The following FHIT variants were observed in gnomAD, a reference collection of about 807,000 sequenced individuals.
The protein encoded by FHIT is fragile histidine triad diadenosine triphosphatase, also known as bis(5'-adenosyl)-triphosphatase.
A neutral mutation model predicts 17.9 loss-of-function variants in FHIT; 19 were observed. The ratio of observed to expected loss-of-function variants is 1.06; its 90% confidence interval spans 0.74 to 1.56. The LOEUF (loss-of-function observed/expected upper bound fraction) is 1.56. Among genes scored for constraint, FHIT ranks in the 40% most tolerant of loss-of-function variants. The pLI is 0.00. For missense variants in FHIT, 248 were observed against 189.2 expected (o/e 1.31, Z -1.82); for synonymous variants, 81 against 69.7 (o/e 1.16, Z -0.81).
At chr3:60,210,442 A>T (rs1191157539) in intron 5 of FHIT, among the ~76,000 whole-genome samples, 1 of 152,230 alleles carries the variant, frequency 6.6e-6, no homozygotes, top group African/African-American at 2.4e-5. Context: ...AAGGAAAAAC[A>T]TGGATACCAG....
chr3:60,153,489 T>C (rs1470898214), intron 5 of FHIT, among the ~76,000 whole-genome samples: 1 of 152,154 alleles, frequency 6.6e-6, no homozygotes, highest in African/African-American at 2.4e-5. Flanking sequence ...AATTCTATTT[T>C]GAGGTTTATC....
intron 5 of FHIT, among the ~76,000 whole-genome samples, chr3:60,228,626 C>A (rs749549568): frequency 1.1e-4 from 16 of 152,144 alleles, no homozygotes; most frequent in Non-Finnish European, 1.9e-4. Context: ...GGAGAAATGA[C>A]AAATACCTCA....
At chr3:60,744,278 A>AAAAAAAAAAAAAAAAAAAAAAAAAAAC (rs2042310911) in intron 4 of FHIT, among the ~76,000 whole-genome samples, 1 of 148,742 alleles carries the variant, frequency 6.7e-6, no homozygotes, top group African/African-American at 2.5e-5. Flanking sequence ...CAAAAAAAAA[A>AAAAAAAAAAAAAAAAAAAAAAAAAAAC]AAAAACAGAA....
intron 5 of FHIT, among the ~76,000 whole-genome samples, chr3:60,085,919 A>T (rs542127215): frequency 6.6e-6 from 1 of 152,166 alleles, no homozygotes; most frequent in Non-Finnish European, 1.5e-5. Flanking sequence ...GCAATTAGGG[A>T]TATGATCAGT....
intron 8 of FHIT, among the ~76,000 whole-genome samples, chr3:59,867,071 C>T (rs1651256428): frequency 6.7e-6 from 1 of 150,074 alleles, no homozygotes; most frequent in Non-Finnish European, 1.5e-5. Flanking sequence ...TTTACAACCA[C>T]ACCATAAAAG....
At chr3:60,780,014 C>T (rs576432381) in intron 4 of FHIT, among the ~76,000 whole-genome samples, 17 of 152,288 alleles carry the variant, frequency 1.1e-4, no homozygotes, top group African/African-American at 3.4e-4. Context: ...CATGGTGGCA[C>T]CTACCAAGGT....
intron 6 of FHIT, among the ~76,000 whole-genome samples, chr3:60,012,263 G>GTTTT (rs1416490274): frequency 1.7e-5 from 2 of 118,962 alleles, no homozygotes; most frequent in African/African-American, 3.7e-5. Flanking sequence ...TGTTTTTTTT[G>GTTTT]TTGTTTTTTT....
chr3:60,473,754 A>T (rs1047612298), intron 5 of FHIT, among the ~76,000 whole-genome samples: 4 of 152,040 alleles, frequency 2.6e-5, no homozygotes, highest in Non-Finnish European at 5.9e-5. Context: ...CCCCGTCTCT[A>T]CTAAAATACA....
At chr3:59,810,954 G>T (rs1700387445) in intron 8 of FHIT, among the ~76,000 whole-genome samples, 1 of 152,208 alleles carries the variant, frequency 6.6e-6, no homozygotes, top group African/African-American at 2.4e-5. Flanking sequence ...GTTGAAAGTG[G>T]AATACTAGAA....
intron 3 of FHIT, among the ~76,000 whole-genome samples, chr3:60,981,295 C>CTTTTTTTTTTTTTTTTTTT (rs71100934): frequency 3.2e-5 from 4 of 124,500 alleles, no homozygotes; most frequent in Non-Finnish European, 3.3e-5. Flanking sequence ...TTCTTCCTTC[C>CTTTTTTTTTTTTTTTTTTT]TTTTTTTTTT....
intron 8 of FHIT, among the ~76,000 whole-genome samples, chr3:59,886,619 A>G (rs961791633): frequency 2.6e-5 from 4 of 152,074 alleles, no homozygotes; most frequent in Non-Finnish European, 5.9e-5. Flanking sequence ...CTTTTTAACA[A>G]CCAGCTTTCA....
chr3:60,053,282 C>T (rs897536329), intron 5 of FHIT, among the ~76,000 whole-genome samples: 5 of 150,970 alleles, frequency 3.3e-5, no homozygotes, highest in Non-Finnish European at 5.9e-5. Context: ...ATATATATGT[C>T]AGTCCATAAA....
chr3:61,233,514 T>C (rs2040156868), intron 1 of FHIT, among the ~76,000 whole-genome samples: 1 of 152,216 alleles, frequency 6.6e-6, no homozygotes. Flanking sequence ...GGCACTGAGC[T>C]AAATGCTGAT....
chr3:60,014,007 C>T lies in FHIT; in HGVS notation c.249G>A (p.Gln83=). The T allele has an allele frequency of 2.5e-6, 4 of 1,613,878 alleles. No individual in the cohort carries two copies. The highest frequency in any genetic ancestry group is 1.1e-5 in the South Asian group (1 of 91,070). ...ATTTCTGAGAAATCTGTACACTCAC[C>T]TGCATGGAAAAGGTGAGAGAGGTCC... ...FHGTSLTFSM[Q]DGPEAGQTVK... The change falls in exon 6 of 10, where the codon CAG becomes CAA. Residue 83 remains glutamine (Q), a splice_region_variant and synonymous_variant. Transcript: ENST00000492590.
At chr3:60,863,623 T>C (rs1704023104) in intron 3 of FHIT, among the ~76,000 whole-genome samples, 1 of 152,218 alleles carries the variant, frequency 6.6e-6, no homozygotes. Context: ...TTTTCATTCA[T>C]TTGTTAAAAA....
intron 5 of FHIT, among the ~76,000 whole-genome samples, chr3:60,293,905 A>G (rs1288779796): frequency 6.6e-6 from 1 of 152,172 alleles, no homozygotes; most frequent in Non-Finnish European, 1.5e-5. Context: ...CTTAAAAAAT[A>G]TATTAGTTTA....
At chr3:60,332,127 ATTAAT>A (rs1372093230) in intron 5 of FHIT, among the ~76,000 whole-genome samples, 1 of 152,156 alleles carries the variant, frequency 6.6e-6, no homozygotes, top group Admixed American at 6.5e-5. Flanking sequence ...CTTTACATAT[ATTAAT>A]TTATTTGGTA....
intron 5 of FHIT, among the ~76,000 whole-genome samples, chr3:60,182,384 T>A (rs1701975813): frequency 6.6e-6 from 1 of 152,200 alleles, no homozygotes; most frequent in Non-Finnish European, 1.5e-5. Flanking sequence ...ATTAGCATCT[T>A]TAAGTAGCAC....
At chr3:60,155,196 C>T (rs935198189) in intron 5 of FHIT, among the ~76,000 whole-genome samples, 1 of 148,480 alleles carries the variant, frequency 6.7e-6, no homozygotes, top group African/African-American at 2.5e-5. Context: ...AAAAAAGTCA[C>T]AGAGCTGGTG....
Sources: allele counts gnomAD v4.1 joint callset (sites outside exome capture counted in the v4.1 genomes callset), GRCh38; gene constraint gnomAD v4.1.1; transcripts MANE v1.5; gene names NCBI Gene and HGNC (gene_info 2026-07-23, HGNC 2026-07-21).